DGKB: variants seen among roughly 807,000 people sequenced by gnomAD.
The protein encoded by DGKB is 90 kDa diacylglycerol kinase.
A neutral mutation model predicts 114.3 loss-of-function variants in DGKB; 67 were observed. The ratio of observed to expected loss-of-function variants is 0.59; its 90% CI spans 0.48 to 0.72. The LOEUF is 0.72. Ranked by LOEUF, DGKB falls within the 30% of genes least tolerant of loss-of-function variation. DGKB has a pLI of 0.00. For missense variants in DGKB, 907 were observed against 975.2 expected (o/e 0.93, Z 0.93); for synonymous variants, 398 against 323.1 (o/e 1.23, Z -2.49).
intron 23 of DGKB, among the ~76,000 whole-genome samples, chr7:14,245,314 G>T (rs895748310): frequency 6.6e-6 from 1 of 152,006 alleles, no homozygotes; most frequent in African/African-American, 2.4e-5. Flanking sequence ...AGTGATATCA[G>T]GTAAGGATGA....
At chr7:14,944,202 C>G (rs984391577) in intron 1 of DGKB, among the ~76,000 whole-genome samples, 2 of 151,890 alleles carry the variant, frequency 1.3e-5, no homozygotes, top group Non-Finnish European at 2.9e-5. Flanking sequence ...GGTGGAAGAA[C>G]TGAGAACTGC....
intron 23 of DGKB, among the ~76,000 whole-genome samples, chr7:14,261,576 A>AC (rs1796783790): frequency 6.6e-6 from 1 of 152,186 alleles, no homozygotes; most frequent in Non-Finnish European, 1.5e-5. Context: ...GGGAAAAACT[A>AC]GATATTATAT....
At chr7:14,245,927 AAAAAAC>A (rs762066884) in intron 23 of DGKB, among the ~76,000 whole-genome samples, 20 of 152,328 alleles carry the variant, frequency 1.3e-4, no homozygotes, top group Non-Finnish European at 1.6e-4. Context: ...ATCCTGTCTC[AAAAAAC>A]AAAAACAAAA....
rs1293225408 is a variant in DGKB at position 14,337,073 on chromosome 7, G to A, written c.2122+1442C>T. ...ATACAGGCTATACAATTACAAAAGG[G>A]TTTTTTAAGCTTGGTTTTAGTATGG... On this transcript the variant is annotated intron_variant, in intron 23 of 25. Coordinates refer to ENST00000402815, the MANE Select transcript of DGKB (RefSeq NM_001350709.2). Among the ~76,000 whole-genome samples, 2 of 152,006 alleles carry A rather than the reference G, an allele frequency of 1.3e-5. 1 individual carries two copies. The highest frequency in any genetic ancestry group is 2.9e-5 in the Non-Finnish European group (2 of 68,006).
intron 2 of DGKB, among the ~76,000 whole-genome samples, chr7:14,812,894 T>A (rs2128084405): frequency 6.6e-6 from 1 of 152,274 alleles, no homozygotes; most frequent in South Asian, 2.1e-4. Context: ...GCTTCCTCTA[T>A]CTCCAATTCC....
chr7:14,284,151 C>T (rs1272469540), intron 23 of DGKB, among the ~76,000 whole-genome samples: 1 of 151,894 alleles, frequency 6.6e-6, no homozygotes, highest in Non-Finnish European at 1.5e-5. Flanking sequence ...CTACAATGAA[C>T]TCAAACAAAT....
rs1477356029 is a variant in DGKB at position 14,469,352 on chromosome 7, T to A, written c.1835+8809A>T. On this transcript the variant is annotated intron_variant, in intron 21 of 25. Transcript: ENST00000402815. The stretch of plus-strand genomic sequence containing the variant: ...TCAATAGCAGATAAGCAGTATTTTA[T>A]CCAAGCTTCAGAAACTTTATTAATA... Among the ~76,000 whole-genome samples the A allele has an allele frequency of 2.0e-5, 3 of 152,108 alleles. No individual in the cohort carries two copies. The East Asian group carries it at 5.8e-4, about 29-fold the overall frequency.
chr7:14,294,922 G>C (rs1173774902), intron 23 of DGKB, among the ~76,000 whole-genome samples: 1 of 152,280 alleles, frequency 6.6e-6, no homozygotes, highest in East Asian at 1.9e-4. Context: ...AAGAGGCTAA[G>C]CAGAAAGAGT....
chr7:14,312,441 T>A (rs1243084657), intron 23 of DGKB, among the ~76,000 whole-genome samples: 1 of 152,236 alleles, frequency 6.6e-6, no homozygotes, highest in African/African-American at 2.4e-5. Context: ...TAACTATACT[T>A]GTTATTAATG....
intron 23 of DGKB, among the ~76,000 whole-genome samples, chr7:14,274,502 C>A (rs1248462185): frequency 6.6e-6 from 1 of 152,012 alleles, no homozygotes; most frequent in Non-Finnish European, 1.5e-5. Context: ...GATACCTTTC[C>A]GCATTAACAT....
chr7:14,570,585 C>A (rs1233101615), intron 20 of DGKB, among the ~76,000 whole-genome samples: 1 of 151,448 alleles, frequency 6.6e-6, no homozygotes, highest in East Asian at 1.9e-4. Context: ...TGTATTCTTA[C>A]CAGAAAGTCA....
At chr7:14,799,448 T>C (rs146886057) in intron 2 of DGKB, among the ~76,000 whole-genome samples, 1 of 152,354 alleles carries the variant, frequency 6.6e-6, no homozygotes, top group Non-Finnish European at 1.5e-5. Flanking sequence ...GCAGCTACTC[T>C]AGATTTATTA....
rs1177791249 is a variant in DGKB, at chr7:14,145,111, A to G, written c.*4020T>C. On this transcript the variant is annotated 3_prime_UTR_variant, in exon 26 of 26. Coordinates refer to ENST00000402815, the MANE Select transcript of DGKB (RefSeq NM_001350709.2). ...TGTATATATCATTTCTGAGAAAATA[A>G]TTAAGGTACTATAATTAAGTTCCAT... is the stretch of plus-strand genomic sequence containing the variant. 1 of 152,206 alleles carries G rather than the reference A, an allele frequency of 6.6e-6. No individual in the cohort carries two copies. The highest frequency in any genetic ancestry group is 2.4e-5 in the African/African-American group (1 of 41,450). The allele number at this position is 152,206 out of a possible 1,614,324, so 9.4% of individuals were successfully genotyped here. A position where few individuals can be genotyped will look rare whatever the true frequency, so the allele number is the denominator to read the frequency against.
intron 13 of DGKB, among the ~76,000 whole-genome samples, chr7:14,641,182 T>G (rs990042192): frequency 6.6e-6 from 1 of 152,222 alleles, no homozygotes; most frequent in African/African-American, 2.4e-5. Context: ...CCAAAATGGA[T>G]AGAAAAATTA....
intron 25 of DGKB, among the ~76,000 whole-genome samples, chr7:14,168,313 T>C (rs1784899326): frequency 6.6e-6 from 1 of 152,196 alleles, no homozygotes; most frequent in Non-Finnish European, 1.5e-5. Context: ...CAAAGATCTA[T>C]GAGACAATAC....
chr7:14,617,354 G>T (rs1697956488), intron 15 of DGKB, among the ~76,000 whole-genome samples: 1 of 151,612 alleles, frequency 6.6e-6, no homozygotes, highest in South Asian at 2.1e-4. Flanking sequence ...AGAAGTTCCT[G>T]ATTCCTCACT....
At chr7:14,785,706 A>T (rs1445167956) in intron 2 of DGKB, among the ~76,000 whole-genome samples, 1 of 152,158 alleles carries the variant, frequency 6.6e-6, no homozygotes, top group East Asian at 1.9e-4. Context: ...TAAAATAGAA[A>T]ATTAAATATT....
At chr7:14,802,250 A>G (rs752659220) in intron 2 of DGKB, among the ~76,000 whole-genome samples, 6 of 152,030 alleles carry the variant, frequency 3.9e-5, no homozygotes, top group Non-Finnish European at 8.8e-5. Flanking sequence ...CTGATATCAA[A>G]TTTTTTAAGT....
At chr7:14,536,778 C>T (rs903078723) in intron 20 of DGKB, among the ~76,000 whole-genome samples, 1 of 151,902 alleles carries the variant, frequency 6.6e-6, no homozygotes, top group African/African-American at 2.4e-5. Flanking sequence ...GGCAAGGATG[C>T]TCATTCTCAC....
Sources: allele counts gnomAD v4.1 joint callset (sites outside exome capture counted in the v4.1 genomes callset), GRCh38; gene constraint gnomAD v4.1.1; transcripts MANE v1.5; gene names NCBI Gene and HGNC (gene_info 2026-07-23, HGNC 2026-07-21).